Variants in MALRD1 observed in about 807,000 individuals in gnomAD.
MALRD1 encodes the protein MAM and LDL receptor class A domain containing 1, also known as MAM and LDL-receptor class A domain-containing protein 1.
A neutral mutation model predicts 242.1 loss-of-function variants in MALRD1; 247 were observed. That is an observed-to-expected ratio of 1.02 (90% CI 0.92 to 1.13). The LOEUF (loss-of-function observed/expected upper bound fraction) is 1.13. MALRD1 is among the 50% of genes most tolerant of loss of function. The pLI is 0.00. For synonymous variants in MALRD1, 995 were observed against 866.6 expected (o/e 1.15, Z -2.60); for missense variants, 2,989 against 2,533.1 (o/e 1.18, Z -3.86).
chr10:19,181,050 T>TAA (rs71287317), intron 14 of MALRD1, among the ~76,000 whole-genome samples: 2 of 151,844 alleles, frequency 1.3e-5, no homozygotes, highest in South Asian at 2.1e-4. Flanking sequence ...TAGCTATAAT[T>TAA]AAAAAAAAGC....
At chr10:19,601,333 A>AAT (rs1838332722) in intron 34 of MALRD1, among the ~76,000 whole-genome samples, 1 of 152,062 alleles carries the variant, frequency 6.6e-6, no homozygotes, top group Non-Finnish European at 1.5e-5. Flanking sequence ...TCTATGTTGT[A>AAT]CTTATATTAA....
chr10:19,414,349 T>TA (rs1339084309), intron 28 of MALRD1, among the ~76,000 whole-genome samples: 5 of 152,138 alleles, frequency 3.3e-5, no homozygotes, highest in Admixed American at 2.0e-4. Context: ...TGATAAATTT[T>TA]AAAAAATATA....
intron 18 of MALRD1, among the ~76,000 whole-genome samples, chr10:19,230,449 T>C (rs1838001584): frequency 6.6e-6 from 1 of 152,018 alleles, no homozygotes; most frequent in African/African-American, 2.4e-5. Flanking sequence ...GCATATCACA[T>C]GGTGAGAGAG....
chr10:19,480,254 C>G, intron 29 of MALRD1, among the ~76,000 whole-genome samples: 1 of 152,114 alleles, frequency 6.6e-6, no homozygotes, highest in East Asian at 1.9e-4. Flanking sequence ...TGATATGTTG[C>G]GGAGAAATCT....
chr10:19,232,786 A>G (rs1838140859), intron 18 of MALRD1, among the ~76,000 whole-genome samples: 1 of 152,180 alleles, frequency 6.6e-6, no homozygotes, highest in Non-Finnish European at 1.5e-5. Context: ...TACAGTGGTG[A>G]CAATGCTCAA....
intron 36 of MALRD1, among the ~76,000 whole-genome samples, chr10:19,632,585 C>T (rs1839954326): frequency 6.6e-6 from 1 of 152,030 alleles, no homozygotes; most frequent in African/African-American, 2.4e-5. Flanking sequence ...AACAAAAATT[C>T]TAGTGGTAAA....
chr10:19,314,861 C>T (rs1380209949), intron 21 of MALRD1, among the ~76,000 whole-genome samples: 11 of 151,028 alleles, frequency 7.3e-5, no homozygotes, highest in Admixed American at 3.3e-4. Flanking sequence ...CGTGAAGTGC[C>T]GGTCTCTTGA....
At chr10:19,300,421 A>G (rs1841898750) in intron 21 of MALRD1, among the ~76,000 whole-genome samples, 1 of 152,024 alleles carries the variant, frequency 6.6e-6, no homozygotes. Context: ...ATCCTAAGCA[A>G]AAATAAAGCA....
intron 13 of MALRD1, among the ~76,000 whole-genome samples, chr10:19,171,479 C>A (rs1251966656): frequency 1.5e-4 from 21 of 141,754 alleles, no homozygotes; most frequent in Non-Finnish European, 3.0e-4. Flanking sequence ...TATACACACA[C>A]ACATATATAC....
At chr10:19,324,543 TA>T (rs1218432764) in intron 22 of MALRD1, among the ~76,000 whole-genome samples, 3 of 151,844 alleles carry the variant, frequency 2.0e-5, no homozygotes, top group Non-Finnish European at 4.4e-5. Context: ...TTTAAACTCA[TA>T]AATGTTTCAC....
intron 33 of MALRD1, among the ~76,000 whole-genome samples, chr10:19,585,100 A>G (rs983314562): frequency 1.3e-5 from 2 of 151,786 alleles, no homozygotes; most frequent in Non-Finnish European, 2.9e-5. Flanking sequence ...CCATCCTTTT[A>G]TTTTGTGCCT....
At chr10:19,502,031 G>GGA (rs1428438932) in intron 31 of MALRD1, among the ~76,000 whole-genome samples, 1 of 132,326 alleles carries the variant, frequency 7.6e-6, no homozygotes, top group Non-Finnish European at 1.6e-5. Flanking sequence ...AAAAAGAAAA[G>GGA]AAAAGAAAAG....
chr10:19,159,501 T>G (rs1588629232), intron 12 of MALRD1, among the ~76,000 whole-genome samples: 1 of 151,736 alleles, frequency 6.6e-6, no homozygotes, highest in East Asian at 1.9e-4. Flanking sequence ...GGGTTTGGAG[T>G]AAAATCGAGA....
chr10:19,150,386 G>C (rs1010401532), intron 11 of MALRD1, among the ~76,000 whole-genome samples: 3 of 151,234 alleles, frequency 2.0e-5, no homozygotes, highest in Non-Finnish European at 2.9e-5. Context: ...TCCTTACATG[G>C]CAATTTAGGG....
At chr10:19,683,815 G>T (rs1306543751) in intron 36 of MALRD1, among the ~76,000 whole-genome samples, 3 of 152,012 alleles carry the variant, frequency 2.0e-5, no homozygotes. Flanking sequence ...GAACGTGCAG[G>T]ATTGCTACAT....
intron 36 of MALRD1, 137 bp downstream of exon 36, chr10:19,616,060 A>C (rs1839141935): frequency 1.7e-6 from 1 of 582,020 alleles, no homozygotes; most frequent in East Asian, 2.9e-5. Flanking sequence ...TACTATTTAC[A>C]TTTATCTGTC....
Position 19,530,000 on chromosome 10 carries a change from A to G in MALRD1, c.5321-1194A>G, listed in dbSNP as rs573811238. 5.3e-5 allele frequency among the ~76,000 whole-genome samples: 8 copies of G among 152,144 alleles called. No individual in the cohort carries two copies. In the South Asian group the frequency reaches 6.2e-4, roughly 12 times the overall value. On this transcript the variant is annotated intron_variant, in intron 31 of 39. Transcript: ENST00000454679. ...CTTCCCAACATGATGTATAAATTCA[A>G]TGCAATTCCAATCCCAAGTTATTTT...
At chr10:19,319,588 C>T (rs1388013800) in intron 21 of MALRD1, among the ~76,000 whole-genome samples, 1 of 152,062 alleles carries the variant, frequency 6.6e-6, no homozygotes, top group Non-Finnish European at 1.5e-5. Flanking sequence ...AAATAAAACA[C>T]ATTTATTTAT....
chr10:19,405,070 A>C (rs1396520645), intron 28 of MALRD1, among the ~76,000 whole-genome samples: 2 of 152,188 alleles, frequency 1.3e-5, no homozygotes, highest in East Asian at 3.9e-4. Flanking sequence ...GAATTTGTGA[A>C]AATAATCAAA....
Sources: gnomAD v4.1 joint callset for allele counts (sites outside exome capture counted in the v4.1 genomes callset) on GRCh38, gnomAD v4.1.1 for gene constraint, MANE v1.5 for transcripts, NCBI Gene and HGNC (gene_info 2026-07-23, HGNC 2026-07-21) for gene names.